Variants in TTLL1 observed in about 807,000 individuals in gnomAD.
The protein encoded by TTLL1 is polyglutamylase complex subunit TTLL1.
A neutral mutation model predicts 47.8 loss-of-function variants in TTLL1; 33 were observed. The ratio of observed to expected loss-of-function variants is 0.69; its 90% confidence interval spans 0.52 to 0.92. TTLL1 has a LOEUF of 0.92. TTLL1 is among the 40% of genes least tolerant of loss of function. The pLI, the probability that TTLL1 is intolerant of heterozygous loss-of-function variation, is 0.00. For synonymous variants in TTLL1, 225 were observed against 214.1 expected (o/e 1.05, Z -0.45); for missense variants, 488 against 547.5 (o/e 0.89, Z 1.08).
chr22:43,059,366 C>T lies in TTLL1; in HGVS notation c.891+18G>A, dbSNP rs922008090. 8 of 1,600,506 alleles carry T rather than the reference C, an allele frequency of 5.0e-6. No individual in the cohort carries two copies. Among genetic ancestry groups the T allele is most frequent in the Non-Finnish European group, 6.8e-6 (8 of 1,173,258 alleles). ...AACGGGCCCTGGGAGCCGGCTCCCCCGCCCGCACCAAACTCACCGCCACAG... is the reference window on the plus strand; with the variant it reads ...AACGGGCCCTGGGAGCCGGCTCCCCTGCCCGCACCAAACTCACCGCCACAG... On this transcript the variant is annotated intron_variant, in intron 8 of 10. Transcript: ENST00000266254.
intron 3 of TTLL1, among the ~76,000 whole-genome samples, chr22:43,070,865 C>T (rs1304126378): frequency 6.6e-6 from 1 of 152,078 alleles, no homozygotes; most frequent in Non-Finnish European, 1.5e-5. Flanking sequence ...TATGTGATAT[C>T]CTATTTTATA....
intron 5 of TTLL1, among the ~76,000 whole-genome samples, chr22:43,065,532 C>T (rs1234304996): frequency 4.6e-5 from 7 of 151,984 alleles, no homozygotes; most frequent in Non-Finnish European, 8.8e-5. Context: ...TCAAGTGATC[C>T]GCCTGCCTTG....
intron 10 of TTLL1, among the ~76,000 whole-genome samples, chr22:43,046,188 C>T (rs1456592145): frequency 6.6e-6 from 1 of 151,936 alleles, no homozygotes; most frequent in Non-Finnish European, 1.5e-5. Flanking sequence ...GCCACTGCAA[C>T]CCAGCCTTGG....
intron 5 of TTLL1, 55 bp downstream of exon 5, chr22:43,068,355 C>A: frequency 7.2e-7 from 1 of 1,394,262 alleles, no homozygotes. Context: ...CTGCGAACAG[C>A]ATAAAACGGT....
At position 43,069,828 on chromosome 22, in the gene TTLL1, T is replaced by C. The variant is rs759885886; in HGVS notation, c.130A>G (p.Ile44Val). 9.9e-6 allele frequency: 16 copies of C among 1,614,190 alleles called. 1 individual carries two copies. The highest frequency in any genetic ancestry group is 5.5e-5 in the South Asian group (5 of 91,088). ...GCTTCAACGCTGAACACATTTCGGA[T>C]GGTTTGCACACTCATCCTGAAAGAG... ...WNFYWMSVQTIRNVFSVEAGY... is the reference protein window; with the variant it reads ...WNFYWMSVQTVRNVFSVEAGY... The change falls in exon 4 of 11, where the codon ATC becomes GTC. Residue 44 changes from isoleucine to valine, a missense_variant. Ile to Val is a conservative substitution (Grantham distance 29). Transcript: ENST00000266254.
chr22:43,071,017 A>G (rs1483763769), intron 3 of TTLL1, among the ~76,000 whole-genome samples: 1 of 151,992 alleles, frequency 6.6e-6, no homozygotes, highest in Non-Finnish European at 1.5e-5. Flanking sequence ...GGCTCAAGCA[A>G]TCCTCCTCTC....
intron 8 of TTLL1, among the ~76,000 whole-genome samples, chr22:43,054,331 C>T (rs776282321): frequency 4.6e-5 from 7 of 152,162 alleles, no homozygotes; most frequent in African/African-American, 7.2e-5. Flanking sequence ...AGACACAAAA[C>T]GAACCCACAC....
Position 43,073,317 on chromosome 22 carries a change from C to T in TTLL1, c.113+2157G>A, listed in dbSNP as rs113264975. On this transcript the variant is annotated intron_variant, in intron 3 of 10. Transcript: ENST00000266254. ...CTGAGATTATAGGTGTGAGCCACTG[C>T]GCCCGGTCTATTTATTTATTTATTT... Among the ~76,000 whole-genome samples the T allele has an allele frequency of 8.7e-3, 1,286 of 147,222 alleles. 16 individuals are homozygous for T. The highest frequency in any genetic ancestry group is 0.031 in the African/African-American group (1,224 of 39,174).
intron 10 of TTLL1, among the ~76,000 whole-genome samples, chr22:43,042,121 C>T (rs559785051): frequency 6.6e-6 from 1 of 152,294 alleles, no homozygotes; most frequent in Admixed American, 6.5e-5. Flanking sequence ...GTTTGCTTCC[C>T]TGGCCAGGGG....
chr22:43,048,059 C>T (rs1269349986), intron 9 of TTLL1, among the ~76,000 whole-genome samples: 4 of 151,916 alleles, frequency 2.6e-5, no homozygotes, highest in Admixed American at 1.3e-4. Context: ...GGCTCATGCC[C>T]GTAATCCTAG....
intron 3 of TTLL1, among the ~76,000 whole-genome samples, chr22:43,071,398 G>T (rs1004248124): frequency 6.6e-6 from 1 of 151,276 alleles, no homozygotes; most frequent in Non-Finnish European, 1.5e-5. Flanking sequence ...CTTTTGTTTT[G>T]TTTTGTTTTG....
rs950391477 is a variant in TTLL1, at chr22:43,070,042, G to A, written c.114-198C>T. 1.3e-5 allele frequency: 15 copies of A among 1,182,680 alleles called. No homozygotes were observed. The East Asian group carries it at 3.6e-4, about 29-fold the overall frequency. The allele number at this position is 1,182,680 out of a possible 1,614,324, so 73.3% of individuals were successfully genotyped here. On this transcript the variant is annotated intron_variant, in intron 3 of 10. Transcript: ENST00000266254. ...AGGGACAGGCCGGGACCCAAGTGGT[G>A]TGAGGGCCAGGAGCTGTGCTGATTC...
At chr22:43,086,050 C>T (rs555909414) in intron 1 of TTLL1, among the ~76,000 whole-genome samples, 3 of 152,366 alleles carry the variant, frequency 2.0e-5, no homozygotes, top group South Asian at 4.1e-4. Context: ...TCCTTCCCAA[C>T]CCTAAGCAAT....
rs187418811 is a variant in TTLL1, at chr22:43,074,253, C to T, written c.113+1221G>A. Among the ~76,000 whole-genome samples the T allele has an allele frequency of 3.1e-3, 462 of 150,022 alleles. 4 individuals are homozygous for T. The highest frequency in any genetic ancestry group is 0.01 in the African/African-American group (429 of 40,990). On this transcript the variant is annotated intron_variant, in intron 3 of 10. Coordinates refer to ENST00000266254, the MANE Select transcript of TTLL1 (RefSeq NM_012263.5). ...ACCAGCCTGACCAACATGGAGAAAC[C>T]CCCGTCTCTACTAAAAATACAAAAT...
intron 9 of TTLL1, among the ~76,000 whole-genome samples, chr22:43,048,400 C>A (rs543851458): frequency 6.7e-6 from 1 of 148,778 alleles, no homozygotes; most frequent in African/African-American, 2.5e-5. Flanking sequence ...TTTGGGAGGC[C>A]GAGGTGGAGG....
chr22:43,059,133 G>T (rs182814946), intron 8 of TTLL1, among the ~76,000 whole-genome samples: 117 of 152,122 alleles, frequency 7.7e-4, no homozygotes, highest in African/African-American at 2.7e-3. Context: ...GGGATTACAC[G>T]TGCATGCCAC....
chr22:43,040,030 G>T (rs1423860610), intron 10 of TTLL1, 125 bp from the exon 11 acceptor site: 16 of 1,328,510 alleles, frequency 1.2e-5, no homozygotes, highest in South Asian at 2.8e-5. Flanking sequence ...CCCCACCCTC[G>T]CGACTCCTGC....
chr22:43,076,631 A>G lies in TTLL1; in HGVS notation c.-4-1041T>C, dbSNP rs578128268. Among the ~76,000 whole-genome samples the G allele has an allele frequency of 2.6e-4, 39 of 150,824 alleles. 1 individual carries two copies. The South Asian group carries it at 6.8e-3, about 26-fold the overall frequency. On this transcript the variant is annotated intron_variant, in intron 2 of 10. Transcript: ENST00000266254. The stretch of plus-strand genomic sequence containing the variant: ...CCAGGCATGGTGGCATGCGCCTGTA[A>G]TCCCAGCTACTCGGGAGGCTGAGGT...
At chr22:43,072,466 TTC>T (rs1441382272) in intron 3 of TTLL1, among the ~76,000 whole-genome samples, 17 of 151,480 alleles carry the variant, frequency 1.1e-4, no homozygotes, top group Non-Finnish European at 1.5e-5. Context: ...CATCTTTATT[TTC>T]TCTCTTTCTT....
Sources: gnomAD v4.1 joint callset for allele counts (sites outside exome capture counted in the v4.1 genomes callset) on GRCh38, gnomAD v4.1.1 for gene constraint, MANE v1.5 for transcripts, NCBI Gene and HGNC (gene_info 2026-07-23, HGNC 2026-07-21) for gene names.